Variants in REV1 observed in about 807,000 individuals in gnomAD.
The protein encoded by REV1 is translesion synthesis protein REV1.
In REV1, 42 loss-of-function variants were observed where a neutral mutation model predicts 137.4. That is an observed-to-expected ratio of 0.31 (90% confidence interval 0.24 to 0.40). The LOEUF is 0.40. REV1 is among the 10% of genes least tolerant of loss of function. REV1 has a pLI of 1.00. For missense variants in REV1, 1,282 were observed against 1,490.1 expected (o/e 0.86, Z 2.30); for synonymous variants, 524 against 519.2 (o/e 1.01, Z -0.12).
chr2:99,459,320 T>A (rs1683909734), intron 3 of REV1, among the ~76,000 whole-genome samples: 1 of 152,188 alleles, frequency 6.6e-6, no homozygotes, highest in Non-Finnish European at 1.5e-5. Flanking sequence ...TATTACCATT[T>A]GGGGAAACTG....
At position 99,408,074 on chromosome 2, in the gene REV1, T is replaced by G. The variant is rs1676596089; in HGVS notation, c.2403A>C (p.Leu801=). 6.2e-7 allele frequency: 1 copy of G among 1,610,482 alleles called. No homozygotes were observed. Among genetic ancestry groups the G allele is most frequent in the African/African-American group, 1.3e-5 (1 of 74,792 alleles). Residue 801 remains leucine, a synonymous_variant, in exon 15 of 23, where the codon CTA becomes CTC. Coordinates refer to ENST00000258428, the MANE Select transcript of REV1 (RefSeq NM_016316.4). ...TTAGTTTCATTGTATGAAACATGTT[T>G]AGCATCGCCTTTCCAATTATTTTTG... ...DNAKIIGKAM[L]NMFHTMKLNI...
In REV1 at chr2:99,438,951, G is replaced by C. The variant is rs1008054725; in HGVS notation, c.863C>G (p.Ala288Gly). 2 of 1,614,098 alleles carry C rather than the reference G, an allele frequency of 1.2e-6. No homozygotes were observed. The highest frequency in any genetic ancestry group is 1.3e-5 in the African/African-American group (1 of 74,934). Reference sequence around the variant, plus strand: ...ATTAGTTCTGTGTGGATTCCGCAAAGCATCTGTGTTTCTGGTGCTTTGCTG... The same window carrying C: ...ATTAGTTCTGTGTGGATTCCGCAAACCATCTGTGTTTCTGGTGCTTTGCTG... ...QLQQSTRNTDALRNPHRTNSF... is the reference protein window; with the variant it reads ...QLQQSTRNTDGLRNPHRTNSF... The change falls in exon 6 of 23, where the codon GCT becomes GGT. Residue 288 changes from alanine (A) to glycine (G), a missense_variant. Coordinates refer to ENST00000258428, the MANE Select transcript of REV1 (RefSeq NM_016316.4).
rs1242219415 is a variant in REV1 at position 99,487,678 on chromosome 2, A to G, written c.-11+2139T>C. Among the ~76,000 whole-genome samples, 2 of 118,868 alleles carry G rather than the reference A, an allele frequency of 1.7e-5. 1 individual carries two copies. Among genetic ancestry groups the G allele is most frequent in the East Asian group, 4.4e-4 (2 of 4,498 alleles). 78.0% of individuals were successfully genotyped at this position (118,868 alleles called of 152,430 possible). A position where few individuals can be genotyped will look rare whatever the true frequency, so the allele number is the denominator to read the frequency against. On this transcript the variant is annotated intron_variant, in intron 1 of 22. Transcript: ENST00000258428. ...CATTTTTAAATGTTCTGTTTAATAT[A>G]CTCTATGATTAGTAATACGCCACAT...
In REV1 at chr2:99,470,879, A is replaced by G. The variant is rs575875161; in HGVS notation, c.-10-5894T>C. Among the ~76,000 whole-genome samples, 9 of 152,312 alleles carry G rather than the reference A, an allele frequency of 5.9e-5. No individual in the cohort carries two copies. In the East Asian group the frequency reaches 9.6e-4, roughly 16 times the overall value. On this transcript the variant is annotated intron_variant, in intron 1 of 22. Transcript: ENST00000258428. The stretch of plus-strand genomic sequence containing the variant: ...GTACCCTTTCTGCAGAAAGTATAAA[A>G]ATGGCCTTGCTGAGGAAATTAAATT...
Position 99,434,398 on chromosome 2 carries a change from G to T in REV1, c.1372C>A (p.Arg458Ser), listed in dbSNP as rs1041662856. 1.2e-6 allele frequency: 2 copies of T among 1,604,898 alleles called. No homozygotes were observed. Reference protein sequence around the residue: ...SNRGTGRAPLRPGANPQLEWQ... With the variant: ...SNRGTGRAPLSPGANPQLEWQ... The stretch of plus-strand genomic sequence containing the variant: ...TCCAGCTGGGGGTTAGCGCCAGGAC[G>T]TAAAGGTGCCCTTCCTGTGCCTCTG... Residue 458 changes from arginine (R) to serine (S), a missense_variant, in exon 8 of 23, where the codon CGT becomes AGT. This residue lies in a region of REV1 where 432 missense variants were observed against 438.0 expected (regional missense o/e 0.99). Coordinates refer to ENST00000258428, the MANE Select transcript of REV1 (RefSeq NM_016316.4).
At chr2:99,406,282 C>T (rs765659673) in intron 16 of REV1, 43 bp downstream of exon 16, 1 of 1,560,724 alleles carries the variant, frequency 6.4e-7, no homozygotes, top group Non-Finnish European at 8.7e-7. Flanking sequence ...TTTCCAAGGA[C>T]ATAAGCAGCA....
intron 4 of REV1, among the ~76,000 whole-genome samples, chr2:99,444,011 G>A (rs543093126): frequency 1.6e-3 from 242 of 152,080 alleles, no homozygotes; most frequent in African/African-American, 5.7e-3. Flanking sequence ...TAGTAGAGAC[G>A]GGGTTTCACC....
chr2:99,411,168 A>C (rs1677084308), intron 13 of REV1, among the ~76,000 whole-genome samples: 1 of 151,960 alleles, frequency 6.6e-6, no homozygotes, highest in Non-Finnish European at 1.5e-5. Flanking sequence ...GGTGCCTGTA[A>C]TCGCAGCTAC....
intron 1 of REV1, among the ~76,000 whole-genome samples, chr2:99,480,059 C>G (rs1320298549): frequency 1.3e-5 from 2 of 152,292 alleles, no homozygotes; most frequent in East Asian, 3.9e-4. Context: ...GTGGCTCACA[C>G]CTGTATCTCA....
intron 7 of REV1, 47 bp downstream of exon 7, chr2:99,435,781 ATATATT>A (rs1357388323): frequency 1.1e-6 from 1 of 893,536 alleles, no homozygotes; most frequent in Admixed American, 2.5e-5. Context: ...CTCTTTGAAT[ATATATT>A]TATAACAATA....
chr2:99,473,407 A>C (rs973776512), intron 1 of REV1, among the ~76,000 whole-genome samples: 9 of 151,846 alleles, frequency 5.9e-5, no homozygotes, highest in Admixed American at 5.2e-4. Flanking sequence ...AAAAAGAAAA[A>C]AATTCAGACA....
At chr2:99,440,407 C>T (rs574970448) in intron 5 of REV1, among the ~76,000 whole-genome samples, 1 of 152,322 alleles carries the variant, frequency 6.6e-6, no homozygotes, top group Non-Finnish European at 1.5e-5. Context: ...CCTAAAGCCC[C>T]TCACCCTAAT....
intron 9 of REV1, among the ~76,000 whole-genome samples, chr2:99,429,544 A>AT (rs1679843369): frequency 6.6e-6 from 1 of 152,326 alleles, no homozygotes; most frequent in Admixed American, 6.5e-5. Flanking sequence ...ATTAAAAAAA[A>AT]ATCTAATTCT....
At chr2:99,410,607 A>G in intron 14 of REV1, 88 bp downstream of exon 14, 2 of 1,194,730 alleles carry the variant, frequency 1.7e-6, no homozygotes, top group Non-Finnish European at 2.3e-6. Context: ...CTTTATTCAA[A>G]CTCCTCCTTG....
At chr2:99,413,804 C>T (rs1677495793) in intron 12 of REV1, among the ~76,000 whole-genome samples, 1 of 152,194 alleles carries the variant, frequency 6.6e-6, no homozygotes, top group East Asian at 1.9e-4. Context: ...AATGGTTCCA[C>T]ACCATCAAGT....
At chr2:99,406,621 G>A in intron 15 of REV1, 131 bp from the exon 16 acceptor site, 1 of 685,216 alleles carries the variant, frequency 1.5e-6, no homozygotes, top group Non-Finnish European at 2.2e-6. Context: ...GTAAATGAAA[G>A]TATTCAAACA....
At chr2:99,443,870 T>C (rs1442228054) in intron 4 of REV1, among the ~76,000 whole-genome samples, 1 of 151,612 alleles carries the variant, frequency 6.6e-6, no homozygotes, top group Admixed American at 6.6e-5. Flanking sequence ...TGAGACGGAG[T>C]CTCGCTCTGT....
intron 1 of REV1, among the ~76,000 whole-genome samples, chr2:99,470,422 T>C (rs986449296): frequency 5.9e-5 from 9 of 152,338 alleles, no homozygotes; most frequent in African/African-American, 1.9e-4. Context: ...TAGGAATAAA[T>C]AGTAACTTCT....
At chr2:99,424,825 T>C (rs761437272) in intron 9 of REV1, 21 of 1,304,134 alleles carry the variant, frequency 1.6e-5, no homozygotes, top group Middle Eastern at 2.1e-4. Flanking sequence ...TCCACAGTGG[T>C]TGAGATGCCA....
Sources: gnomAD v4.1 joint callset for allele counts (sites outside exome capture counted in the v4.1 genomes callset) on GRCh38, gnomAD v4.1.1 for gene constraint, gnomAD v4.1.1 regional missense constraint, MANE v1.5 for transcripts, NCBI Gene and HGNC (gene_info 2026-07-23, HGNC 2026-07-21) for gene names.